The following GLIS3 variants were observed in gnomAD, a reference collection of about 807,000 sequenced individuals.
GLIS3 encodes GLIS family zinc finger 3, also known as zinc finger protein GLIS3.
Under a neutral mutation model 78.6 loss-of-function variants are expected in GLIS3, and 53 were observed. The ratio of observed to expected loss-of-function variants is 0.67; its 90% CI spans 0.54 to 0.85. GLIS3 has a LOEUF of 0.85. GLIS3 is among the 40% of genes least tolerant of loss of function. The pLI is 0.00. For synonymous variants in GLIS3, 684 were observed against 509.9 expected (o/e 1.34, Z -4.60); for missense variants, 1,703 against 1,231.1 (o/e 1.38, Z -5.74).
intron 2 of GLIS3, among the ~76,000 whole-genome samples, chr9:4,324,203 G>A (rs1817572214): frequency 6.6e-6 from 1 of 152,090 alleles, no homozygotes; most frequent in African/African-American, 2.4e-5. Flanking sequence ...TATTTATGCT[G>A]TGCCCTCTTC....
rs980534635 is a variant in GLIS3, at chr9:3,828,434, T to G, written c.2657-26A>C. Reference sequence around the variant, plus strand: ...CTGGAAGAGAAAGAACGCAGTTAAGTCAGTAACTCCTGCCCCATGCCACGC... The same window carrying G: ...CTGGAAGAGAAAGAACGCAGTTAAGGCAGTAACTCCTGCCCCATGCCACGC... On this transcript the variant is annotated intron_variant, in intron 10 of 10. Transcript: ENST00000381971. The G allele has an allele frequency of 1.9e-6, 3 of 1,611,492 alleles. No individual in the cohort carries two copies. The African/African-American group carries it at 4.0e-5, about 22-fold the overall frequency.
chr9:4,114,831 G>C (rs1457492359), intron 4 of GLIS3, among the ~76,000 whole-genome samples: 3 of 152,160 alleles, frequency 2.0e-5, no homozygotes, highest in African/African-American at 7.2e-5. Flanking sequence ...CTACACAAGG[G>C]TGGAGTTGTC....
intron 8 of GLIS3, among the ~76,000 whole-genome samples, chr9:3,858,057 TG>T (rs1371251327): frequency 1.3e-5 from 2 of 152,160 alleles, no homozygotes; most frequent in Non-Finnish European, 1.5e-5. Flanking sequence ...AGGCAACCTA[TG>T]GTACTATTTA....
At chr9:4,232,027 T>C (rs1822296230) in intron 2 of GLIS3, among the ~76,000 whole-genome samples, 1 of 152,166 alleles carries the variant, frequency 6.6e-6, no homozygotes, top group Non-Finnish European at 1.5e-5. Flanking sequence ...TAGCTTTGTA[T>C]AGGATTTGTA....
Position 4,126,237 on chromosome 9 carries a change from G to T in GLIS3, c.389-296C>A, listed in dbSNP as rs10124049. 1.0e-2 allele frequency among the ~76,000 whole-genome samples: 1,517 copies of T among 152,198 alleles called. 24 individuals carry two copies. The highest frequency in any genetic ancestry group is 0.035 in the African/African-American group (1,449 of 41,526). On this transcript the variant is annotated intron_variant, in intron 2 of 10. Coordinates refer to ENST00000381971, the MANE Select transcript of GLIS3 (RefSeq NM_001042413.2). Reference sequence around the variant, plus strand: ...TATTTTATAATATCCTTACCTAAAGGGTTAAGGTGGTAAGTAGATGGGATT... The same window carrying T: ...TATTTTATAATATCCTTACCTAAAGTGTTAAGGTGGTAAGTAGATGGGATT...
chr9:4,383,889 C>G, the GLIS3 span, among the ~76,000 whole-genome samples: 1 of 152,144 alleles, frequency 6.6e-6, no homozygotes. Context: ...TTCTCCTTGT[C>G]TAGAATAAAG....
intron 4 of GLIS3, among the ~76,000 whole-genome samples, chr9:4,099,252 T>C (rs943656413): frequency 1.3e-5 from 2 of 152,272 alleles, no homozygotes; most frequent in Middle Eastern, 6.8e-3. Context: ...AAATGTATCA[T>C]CTCATAGGTC....
chr9:4,212,545 T>G (rs1357443208), intron 2 of GLIS3, among the ~76,000 whole-genome samples: 2 of 152,162 alleles, frequency 1.3e-5, no homozygotes, highest in Non-Finnish European at 2.9e-5. Context: ...GGGGCAGGGA[T>G]GGTGGGGAAG....
intron 4 of GLIS3, among the ~76,000 whole-genome samples, chr9:4,067,896 A>T (rs1290505965): frequency 6.6e-6 from 1 of 152,174 alleles, no homozygotes; most frequent in Non-Finnish European, 1.5e-5. Flanking sequence ...AGCAATAACC[A>T]CCGAGCTGTC....
chr9:4,365,089 G>T, the GLIS3 span, among the ~76,000 whole-genome samples: 1 of 152,106 alleles, frequency 6.6e-6, no homozygotes, highest in Non-Finnish European at 1.5e-5. Flanking sequence ...TTGTTCAGAG[G>T]ATCCTGTTCC....
At chr9:4,194,596 G>A (rs951909983) in intron 2 of GLIS3, among the ~76,000 whole-genome samples, 1 of 152,168 alleles carries the variant, frequency 6.6e-6, no homozygotes, top group Non-Finnish European at 1.5e-5. Context: ...TTTAATTCAA[G>A]AAAGCAAATG....
chr9:4,402,141 G>A, the GLIS3 span, among the ~76,000 whole-genome samples: 4 of 152,166 alleles, frequency 2.6e-5, no homozygotes, highest in African/African-American at 9.7e-5. Context: ...CAGTCCCAGT[G>A]GTGGTGGCCA....
intron 7 of GLIS3, among the ~76,000 whole-genome samples, chr9:3,893,820 G>C (rs1822620200): frequency 6.6e-6 from 1 of 152,180 alleles, no homozygotes; most frequent in African/African-American, 2.4e-5. Flanking sequence ...GCTGGGGGTA[G>C]GGCCCAGCAA....
At chr9:4,465,822 A>T in the GLIS3 span, among the ~76,000 whole-genome samples, 1 of 152,346 alleles carries the variant, frequency 6.6e-6, no homozygotes, top group South Asian at 2.1e-4. Context: ...CATGTGGTAG[A>T]TTAGTGCTCC....
At position 4,345,103 on chromosome 9, in the gene GLIS3, C is replaced by A. The variant is rs964892305; in HGVS notation, n.264+1978G>T. On this transcript the variant is annotated intron_variant and non_coding_transcript_variant, in intron 2 of 4. Transcript: ENST00000471664. ...GATCACTCCTCTATTCAAGTCTCCG[C>A]AAGTTTCCCCCTCAGAGCAAAAGCC... Among the ~76,000 whole-genome samples the A allele has an allele frequency of 3.9e-5, 6 of 152,294 alleles. No individual in the cohort carries two copies. The South Asian group carries it at 1.0e-3, about 26-fold the overall frequency.
chr9:4,172,645 G>A (rs546910270), intron 2 of GLIS3, among the ~76,000 whole-genome samples: 47 of 152,188 alleles, frequency 3.1e-4, no homozygotes, highest in Non-Finnish European at 6.5e-4. Flanking sequence ...AAATGAGGAT[G>A]TGTCATCTGA....
In GLIS3 at chr9:4,228,090, C is replaced by T. The variant is rs906965620; in HGVS notation, c.388+57948G>A. Among the ~76,000 whole-genome samples the T allele has an allele frequency of 2.0e-5, 3 of 150,510 alleles. No individual in the cohort carries two copies. The South Asian group carries it at 6.3e-4, about 32-fold the overall frequency. On this transcript the variant is annotated intron_variant, in intron 2 of 10. Coordinates refer to ENST00000381971, the MANE Select transcript of GLIS3 (RefSeq NM_001042413.2). ...AAAAGGGAAGGGGCCAGGAGAATCA[C>T]ACAGTTATCAAGTGATCAGGGCCTT...
the GLIS3 span, among the ~76,000 whole-genome samples, chr9:4,481,224 C>T: frequency 1.3e-5 from 2 of 152,088 alleles, no homozygotes; most frequent in African/African-American, 4.8e-5. Flanking sequence ...TGGCTCATGC[C>T]TGTAATCCCA....
At chr9:3,894,233 A>C (rs1038947053) in intron 7 of GLIS3, among the ~76,000 whole-genome samples, 1 of 152,192 alleles carries the variant, frequency 6.6e-6, no homozygotes, top group African/African-American at 2.4e-5. Context: ...ATAATGCTCT[A>C]TGTCTTTTTA....
Sources: gnomAD v4.1 joint callset for allele counts (sites outside exome capture counted in the v4.1 genomes callset) on GRCh38, gnomAD v4.1.1 for gene constraint, MANE v1.5 for transcripts, NCBI Gene and HGNC (gene_info 2026-07-23, HGNC 2026-07-21) for gene names.